Variants in LRP1B observed in about 807,000 individuals in gnomAD.
The protein encoded by LRP1B is low-density lipoprotein receptor-related protein 1B.
In LRP1B, 217 loss-of-function variants were observed where a neutral mutation model predicts 556.6. The ratio of observed to expected loss-of-function variants is 0.39; its 90% confidence interval spans 0.35 to 0.44. The LOEUF (loss-of-function observed/expected upper bound fraction) is 0.44. LRP1B is among the 20% of genes least tolerant of loss of function. The pLI is 1.00. For synonymous variants in LRP1B, 2,047 were observed against 1,865.8 expected, an observed-to-expected ratio of 1.10 and a Z score of -2.50; for missense variants, 5,053 against 5,620.8, an observed-to-expected ratio of 0.90 and a Z score of 3.23.
At chr2:142,056,603 C>G (rs1704681567) in intron 1 of LRP1B, among the ~76,000 whole-genome samples, 1 of 152,016 alleles carries the variant, frequency 6.6e-6, no homozygotes, top group Non-Finnish European at 1.5e-5. Flanking sequence ...AACACAAACA[C>G]AAAGAGATAA....
chr2:141,813,494 C>G (rs1046667405), intron 1 of LRP1B, among the ~76,000 whole-genome samples: 13 of 151,028 alleles, frequency 8.6e-5, no homozygotes, highest in African/African-American at 2.9e-4. Flanking sequence ...AAGAGGTCAA[C>G]GTGGCTGCAG....
chr2:140,858,501 G>GAGAGAGAGA (rs1553546810), intron 27 of LRP1B, among the ~76,000 whole-genome samples: 5 of 139,934 alleles, frequency 3.6e-5, no homozygotes, highest in Non-Finnish European at 4.6e-5. Flanking sequence ...TTATATATAT[G>GAGAGAGAGA]GAGAGAGAGA....
intron 22 of LRP1B, 143 bp from the exon 23 acceptor site, chr2:140,903,308 G>T: frequency 1.1e-6 from 1 of 878,464 alleles, no homozygotes; most frequent in Non-Finnish European, 1.7e-6. Context: ...GCTTATTTTT[G>T]CTTCAGGGGT....
At chr2:140,938,929 A>T (rs1173282171) in intron 20 of LRP1B, among the ~76,000 whole-genome samples, 1 of 152,144 alleles carries the variant, frequency 6.6e-6, no homozygotes, top group Non-Finnish European at 1.5e-5. Flanking sequence ...AACAAAAGAT[A>T]TGGAAGACAG....
At chr2:141,417,758 ATTTT>A (rs56660575) in intron 3 of LRP1B, among the ~76,000 whole-genome samples, 15 of 136,358 alleles carry the variant, frequency 1.1e-4, no homozygotes, top group African/African-American at 3.7e-4. Context: ...TGGTAGTTCT[ATTTT>A]TTTTTTTTTT....
chr2:140,913,472 G>T (rs1694483799), intron 21 of LRP1B, among the ~76,000 whole-genome samples: 1 of 151,936 alleles, frequency 6.6e-6, no homozygotes, highest in Non-Finnish European at 1.5e-5. Flanking sequence ...AAGGATGGTA[G>T]AAAATTTTAC....
chr2:141,286,229 T>G (rs1685716562), intron 3 of LRP1B, among the ~76,000 whole-genome samples: 2 of 152,284 alleles, frequency 1.3e-5, no homozygotes, highest in South Asian at 4.1e-4. Context: ...CATATACTTT[T>G]AAAACTCTTA....
chr2:141,995,938 T>C (rs1176107759), intron 1 of LRP1B, among the ~76,000 whole-genome samples: 1 of 152,142 alleles, frequency 6.6e-6, no homozygotes. Context: ...AAAAGGATAC[T>C]AATGATCTTA....
In LRP1B at chr2:141,020,115, C is replaced by G. The variant is rs1459229175; in HGVS notation, c.1790-13G>C. ...ACATTATCCAGATCTATAAAAAAAGCAAAAACAAGAAAGAAATTGCTTTTA... is the reference window on the plus strand; with the variant it reads ...ACATTATCCAGATCTATAAAAAAAGGAAAAACAAGAAAGAAATTGCTTTTA... On this transcript the variant is annotated splice_polypyrimidine_tract_variant and intron_variant, in intron 11 of 90. Transcript: ENST00000389484. The G allele has an allele frequency of 8.2e-6, 12 of 1,460,902 alleles. No homozygotes were observed. Among genetic ancestry groups the G allele is most frequent in the Non-Finnish European group, 1.1e-5 (12 of 1,098,090 alleles). The allele number at this position is 1,460,902 out of a possible 1,614,324, so 90.5% of individuals were successfully genotyped here.
At chr2:140,318,119 A>G (rs905069800) in intron 82 of LRP1B, among the ~76,000 whole-genome samples, 1 of 152,140 alleles carries the variant, frequency 6.6e-6, no homozygotes, top group Non-Finnish European at 1.5e-5. Context: ...AGCCAGAGGT[A>G]GGCAAATAAT....
At chr2:140,243,889 C>A (rs1681052063) in intron 87 of LRP1B, among the ~76,000 whole-genome samples, 2 of 151,400 alleles carry the variant, frequency 1.3e-5, no homozygotes, top group Non-Finnish European at 3.0e-5. Context: ...AGAAAACACT[C>A]CTGGCCTCAC....
chr2:141,005,629 G>A (rs1697551276), intron 14 of LRP1B, among the ~76,000 whole-genome samples, 172 bp from the exon 15 acceptor site: 1 of 152,022 alleles, frequency 6.6e-6, no homozygotes, highest in Admixed American at 6.6e-5. Context: ...TTGAAAATAG[G>A]TGGTGCATTG....
intron 86 of LRP1B, among the ~76,000 whole-genome samples, chr2:140,264,704 G>A (rs199553848): frequency 0.015 from 24 of 1,572 alleles, no homozygotes; most frequent in Non-Finnish European, 0.15. Context: ...GTCTATATAT[G>A]TGTGTGTGTG....
chr2:141,757,216 G>T (rs927352459), intron 2 of LRP1B, among the ~76,000 whole-genome samples: 11 of 152,084 alleles, frequency 7.2e-5, no homozygotes, highest in Non-Finnish European at 1.3e-4. Context: ...AATAATTTTT[G>T]AATACTCTTC....
intron 1 of LRP1B, among the ~76,000 whole-genome samples, chr2:141,980,534 C>T (rs1477289798): frequency 6.6e-6 from 1 of 152,096 alleles, no homozygotes; most frequent in Non-Finnish European, 1.5e-5. Flanking sequence ...CTGTATCTGA[C>T]ATTCAGTGGA....
chr2:141,330,838 C>T (rs1298498755), intron 3 of LRP1B, among the ~76,000 whole-genome samples: 1 of 151,584 alleles, frequency 6.6e-6, no homozygotes, highest in East Asian at 2.0e-4. Flanking sequence ...CTGCAAGCTC[C>T]GCCTCCCAGG....
At chr2:141,213,565 A>G (rs1682658000) in intron 6 of LRP1B, among the ~76,000 whole-genome samples, 2 of 152,176 alleles carry the variant, frequency 1.3e-5, no homozygotes, top group African/African-American at 2.4e-5. Flanking sequence ...CCACACAGAC[A>G]TGAGAGAATG....
intron 32 of LRP1B, among the ~76,000 whole-genome samples, chr2:140,785,626 C>T (rs555699429): frequency 3.9e-4 from 60 of 152,200 alleles, no homozygotes; most frequent in Admixed American, 1.8e-3. Context: ...TTCTCACTTA[C>T]GACTTCGCTA....
At chr2:140,390,408 A>G (rs1010829664) in intron 66 of LRP1B, among the ~76,000 whole-genome samples, 4 of 152,182 alleles carry the variant, frequency 2.6e-5, no homozygotes, top group Non-Finnish European at 5.9e-5. Flanking sequence ...GGTTACCTCT[A>G]TAAAAAACAT....
Sources: gnomAD v4.1 joint callset for allele counts (sites outside exome capture counted in the v4.1 genomes callset) on GRCh38, gnomAD v4.1.1 for gene constraint, MANE v1.5 for transcripts, NCBI Gene and HGNC (gene_info 2026-07-23, HGNC 2026-07-21) for gene names.